KLC1: variants seen among roughly 807,000 people sequenced by gnomAD.
The protein encoded by KLC1 is kinesin 2 60/70kDa.
KLC1 carries 30 observed loss-of-function variants against 84.2 expected under a neutral mutation model. The ratio of observed to expected loss-of-function variants is 0.36; its 90% CI spans 0.27 to 0.48. The LOEUF (loss-of-function observed/expected upper bound fraction) is 0.48. Among genes scored for constraint, KLC1 ranks in the 20% least tolerant of loss-of-function variants. KLC1 has a pLI of 0.99. For missense variants in KLC1, 499 were observed against 805.4 expected, an observed-to-expected ratio of 0.62 and a Z score of 4.60; for synonymous variants, 289 against 293.3, an observed-to-expected ratio of 0.99 and a Z score of 0.15.
chr14:103,648,013 C>T (rs933654691), intron 1 of KLC1, among the ~76,000 whole-genome samples: 3 of 151,630 alleles, frequency 2.0e-5, no homozygotes, highest in African/African-American at 4.8e-5. Flanking sequence ...TGCAGTGGCG[C>T]GATCTCGGCT....
chr14:103,665,340 G>A (rs780113624), intron 5 of KLC1, among the ~76,000 whole-genome samples: 2 of 151,244 alleles, frequency 1.3e-5, no homozygotes, highest in Non-Finnish European at 1.5e-5. Flanking sequence ...TGTGAGCTGC[G>A]AGGTACCACG....
intron 5 of KLC1, among the ~76,000 whole-genome samples, chr14:103,666,468 A>T (rs2079838215): frequency 6.6e-6 from 1 of 152,198 alleles, no homozygotes; most frequent in Non-Finnish European, 1.5e-5. Flanking sequence ...GTTTCTAATA[A>T]GTTCCAGTTG....
At chr14:103,667,799 G>A (rs1019885385) in intron 5 of KLC1, among the ~76,000 whole-genome samples, 5 of 152,200 alleles carry the variant, frequency 3.3e-5, no homozygotes, top group African/African-American at 9.7e-5. Flanking sequence ...CCTTTCTCAC[G>A]TTTTTCAGGG....
intron 3 of KLC1, among the ~76,000 whole-genome samples, chr14:103,661,291 A>G (rs1235706275): frequency 6.6e-6 from 1 of 152,188 alleles, no homozygotes; most frequent in East Asian, 1.9e-4. Flanking sequence ...GTTCAGGGGT[A>G]CATCCTGCAT....
At chr14:103,651,392 G>GT (rs35997731) in intron 1 of KLC1, among the ~76,000 whole-genome samples, 45,151 of 151,390 alleles carry the variant, frequency 0.3, 7,349 homozygotes, top group Middle Eastern at 0.38. Flanking sequence ...TAGTTTCTTG[G>GT]TTTTTTTTTA....
chr14:103,645,845 C>T (rs1228959809), intron 1 of KLC1, among the ~76,000 whole-genome samples: 1 of 151,874 alleles, frequency 6.6e-6, no homozygotes, highest in Non-Finnish European at 1.5e-5. Flanking sequence ...GCAAGTTCCG[C>T]CTTCTGGGTT....
chr14:103,679,551 T>G lies in KLC1; in HGVS notation c.1650+6T>G. On this transcript the variant is annotated splice_donor_region_variant and intron_variant, in intron 13 of 16. Coordinates refer to ENST00000334553, the MANE Select transcript of KLC1 (RefSeq NM_001394837.1). ...TGAGCGTAGAGTGGAACGGGGTAAG[T>G]ACAGTACACAGCGGGCACGTGCTCC... is the stretch of plus-strand genomic sequence containing the variant. 45 of 1,609,196 alleles carry G rather than the reference T, an allele frequency of 2.8e-5. No homozygotes were observed. Among genetic ancestry groups the G allele is most frequent in the Non-Finnish European group, 3.4e-5 (40 of 1,175,716 alleles).
At chr14:103,634,503 CAG>C (rs762463167) in intron 1 of KLC1, among the ~76,000 whole-genome samples, 1 of 152,100 alleles carries the variant, frequency 6.6e-6, no homozygotes, top group Non-Finnish European at 1.5e-5. Context: ...GAGCTCAAGA[CAG>C]AGGCTGAGGC....
intron 1 of KLC1, among the ~76,000 whole-genome samples, chr14:103,650,644 T>G (rs1323478844): frequency 6.6e-6 from 1 of 150,538 alleles, no homozygotes; most frequent in Non-Finnish European, 1.5e-5. Flanking sequence ...AGTGGTGCGA[T>G]CTCAGCTCAC....
rs1370705421 is a variant in KLC1, at chr14:103,694,956, C to G, written c.1848+2531C>G. ...GCTCCGTGTAGTCGCCAGCGGGTGC[C>G]TGGCCCAGGAGCTGCCCTGTGGAGC... On this transcript the variant is annotated intron_variant, in intron 15 of 16. Coordinates refer to ENST00000334553, the MANE Select transcript of KLC1 (RefSeq NM_001394837.1). The surrounding 1 kb of genome is among the most constrained non-coding windows in gnomAD (Gnocchi z 4.5). 1 of 985,318 alleles carries G rather than the reference C, an allele frequency of 1.0e-6. No homozygotes were observed. The highest frequency in any genetic ancestry group is 1.2e-6 in the Non-Finnish European group (1 of 829,936). 61.0% of individuals were successfully genotyped at this position (985,318 alleles called of 1,614,324 possible). A position where few individuals can be genotyped will look rare whatever the true frequency, so the allele number is the denominator to read the frequency against.
intron 13 of KLC1, chr14:103,685,780 T>C (rs1480701824): frequency 8.1e-7 from 1 of 1,241,722 alleles, no homozygotes; most frequent in Non-Finnish European, 1.0e-6. Flanking sequence ...GAACTGGCCA[T>C]TCCTTTCGGT....
At chr14:103,630,230 C>A (rs2076573054) in intron 1 of KLC1, among the ~76,000 whole-genome samples, 1 of 152,180 alleles carries the variant, frequency 6.6e-6, no homozygotes, top group Non-Finnish European at 1.5e-5. Context: ...GTACCCTTTT[C>A]CTTAAGAAAA....
intron 14 of KLC1, among the ~76,000 whole-genome samples, chr14:103,690,807 T>C (rs2151846501): frequency 6.6e-6 from 1 of 152,360 alleles, no homozygotes; most frequent in Non-Finnish European, 1.5e-5. Flanking sequence ...TATAGGCTGT[T>C]TCATCAAGTA....
chr14:103,701,210 C>T lies in KLC1; in HGVS notation c.*11C>T, dbSNP rs1186758465. The T allele has an allele frequency of 2.6e-6, 4 of 1,550,564 alleles. No individual in the cohort carries two copies. The highest frequency in any genetic ancestry group is 1.7e-6 in the Non-Finnish European group (2 of 1,146,398). On this transcript the variant is annotated 3_prime_UTR_variant, in exon 17 of 17. Transcript: ENST00000334553. ...CTATCTTCTCTTGCAGTGACCCCGA[C>T]CTGGCCCCGCTCCAGGATGGGACTG...
intron 1 of KLC1, among the ~76,000 whole-genome samples, chr14:103,630,748 A>T (rs1338648351): frequency 6.6e-6 from 1 of 152,230 alleles, no homozygotes; most frequent in Non-Finnish European, 1.5e-5. Context: ...GAATACAATG[A>T]TACTAAGTAT....
intron 1 of KLC1, among the ~76,000 whole-genome samples, chr14:103,647,045 A>ATG (rs1254861210): frequency 6.6e-6 from 1 of 152,132 alleles, no homozygotes; most frequent in Non-Finnish European, 1.5e-5. Flanking sequence ...TGTAGTCTGT[A>ATG]TATTAGGTTT....
chr14:103,669,813 T>C (rs1469750791), intron 6 of KLC1, among the ~76,000 whole-genome samples: 1 of 152,230 alleles, frequency 6.6e-6, no homozygotes, highest in Non-Finnish European at 1.5e-5. Flanking sequence ...GATCACCAAC[T>C]GTATTGTTTG....
At chr14:103,678,292 C>A in intron 12 of KLC1, among the ~76,000 whole-genome samples, 1 of 151,710 alleles carries the variant, frequency 6.6e-6, no homozygotes, top group South Asian at 2.1e-4. Flanking sequence ...AATAAAATAG[C>A]ATGAATATGA....
chr14:103,649,604 G>T (rs1478501516), intron 1 of KLC1, among the ~76,000 whole-genome samples: 1 of 145,812 alleles, frequency 6.9e-6, no homozygotes, highest in Non-Finnish European at 1.5e-5. Flanking sequence ...AGGTTTACTT[G>T]AATCCTGAGA....
Sources: allele counts gnomAD v4.1 joint callset (sites outside exome capture counted in the v4.1 genomes callset), GRCh38; gene constraint gnomAD v4.1.1; non-coding constraint Gnocchi (gnomAD v3.1); transcripts MANE v1.5; gene names NCBI Gene and HGNC (gene_info 2026-07-23, HGNC 2026-07-21).